DLGAP4: variants seen among roughly 807,000 people sequenced by gnomAD.
The protein encoded by DLGAP4 is disks large-associated protein 4.
In DLGAP4, 18 loss-of-function variants were observed where a neutral mutation model predicts 86.9. The ratio of observed to expected loss-of-function variants is 0.21; its 90% CI spans 0.14 to 0.31. The LOEUF is 0.31. Ranked by LOEUF, DLGAP4 falls within the 10% of genes least tolerant of loss-of-function variation. DLGAP4 has a pLI of 1.00. For missense variants in DLGAP4, 1,085 were observed against 1,362.6 expected, an observed-to-expected ratio of 0.80 and a Z score of 3.21; for synonymous variants, 548 against 574.3, an observed-to-expected ratio of 0.95 and a Z score of 0.65.
At chr20:36,354,269 C>T (rs1452496189) in intron 1 of DLGAP4, among the ~76,000 whole-genome samples, 1 of 152,164 alleles carries the variant, frequency 6.6e-6, no homozygotes, top group African/African-American at 2.4e-5. Context: ...CTGCCGTGAG[C>T]TGTTATCACC....
At chr20:36,461,150 T>C (rs1416857795) in intron 7 of DLGAP4, among the ~76,000 whole-genome samples, 2 of 152,066 alleles carry the variant, frequency 1.3e-5, no homozygotes, top group African/African-American at 4.8e-5. Flanking sequence ...AGAGCATGCG[T>C]CGCGTTCCAG....
At chr20:36,414,134 A>G (rs576194461) in intron 2 of DLGAP4, among the ~76,000 whole-genome samples, 1 of 152,344 alleles carries the variant, frequency 6.6e-6, no homozygotes, top group East Asian at 1.9e-4. Flanking sequence ...AACTGAGATG[A>G]AAAAGGTGAC....
At position 36,308,313 on chromosome 20, in the gene DLGAP4, A is replaced by G. The variant is rs1017125369; in HGVS notation, c.-304+1801A>G. Among the ~76,000 whole-genome samples, 1 of 152,160 alleles carries G rather than the reference A, an allele frequency of 6.6e-6. No homozygotes were observed. Among genetic ancestry groups the G allele is most frequent in the Non-Finnish European group, 1.5e-5 (1 of 68,024 alleles). The stretch of plus-strand genomic sequence containing the variant: ...GGCGCTGGGGAGTGCAATGGCTGAC[A>G]GGGTCCCCACCTCCAGGAGCCTCTT... On this transcript the variant is annotated intron_variant, in intron 1 of 12. Transcript: ENST00000339266. This position sits in a 1 kb window ranked among gnomAD's most constrained non-coding sequence, Gnocchi z 4.5.
chr20:36,497,260 G>A, intron 8 of DLGAP4, 194 bp downstream of exon 8: 8 of 985,424 alleles, frequency 8.1e-6, no homozygotes, highest in Non-Finnish European at 7.2e-6. Flanking sequence ...CACACGTGCT[G>A]CTGGTCAGCA....
chr20:36,517,402 G>A (rs2037111663), intron 10 of DLGAP4, among the ~76,000 whole-genome samples: 1 of 152,024 alleles, frequency 6.6e-6, no homozygotes. Flanking sequence ...GAGTAGCTTG[G>A]ACTACAGGCA....
At chr20:36,368,602 G>A (rs1350560721) in intron 2 of DLGAP4, among the ~76,000 whole-genome samples, 2 of 152,170 alleles carry the variant, frequency 1.3e-5, no homozygotes, top group East Asian at 1.9e-4. Flanking sequence ...GCAAATAGCC[G>A]TTGCTTTTGG....
chr20:36,503,218 C>G (rs1427971788), intron 10 of DLGAP4, among the ~76,000 whole-genome samples: 1 of 152,012 alleles, frequency 6.6e-6, no homozygotes, highest in South Asian at 2.1e-4. Context: ...CCTGTGATGG[C>G]TTTACTGAGA....
In DLGAP4 at chr20:36,461,748, T is replaced by TCCGTCCGTCCGC. The variant is rs1474275856; in HGVS notation, c.1648+14814_1648+14815insTCCGTCCGCCCG. ...CCCCGTCTGTCCGTCCGTCCGTCCG[T>TCCGTCCGTCCGC]CCGCCCGCCCGCCCGCCCGCCCGCG... On this transcript the variant is annotated intron_variant, in intron 7 of 12. Transcript: ENST00000339266. The TCCGTCCGTCCGC allele has an allele frequency of 1.2e-4, 101 of 853,526 alleles. No homozygotes were observed. In the Admixed American group the frequency reaches 6.1e-3, roughly 51 times the overall value. The allele number at this position is 853,526 out of a possible 1,614,324, so 52.9% of individuals were successfully genotyped here.
chr20:36,355,298 CTTT>C (rs530582187), intron 1 of DLGAP4, among the ~76,000 whole-genome samples: 3 of 135,078 alleles, frequency 2.2e-5, no homozygotes, highest in Non-Finnish European at 3.1e-5. Context: ...TTCTTTCTTT[CTTT>C]TTTTTTTTTT....
chr20:36,441,044 C>T (rs1371233558), intron 5 of DLGAP4, among the ~76,000 whole-genome samples: 1 of 152,238 alleles, frequency 6.6e-6, no homozygotes, highest in East Asian at 1.9e-4. Context: ...CTCATCCAGA[C>T]TCCACCAAGT....
intron 1 of DLGAP4, among the ~76,000 whole-genome samples, chr20:36,311,322 A>C (rs917052199): frequency 1.3e-5 from 2 of 152,044 alleles, no homozygotes; most frequent in African/African-American, 4.8e-5. Context: ...TGCAGATCAC[A>C]CATTATTTCC....
chr20:36,337,032 G>A (rs2065329576), intron 1 of DLGAP4, among the ~76,000 whole-genome samples: 1 of 152,156 alleles, frequency 6.6e-6, no homozygotes, highest in Non-Finnish European at 1.5e-5. Context: ...GAGGGAGCTG[G>A]GGGAGTCGGG....
At chr20:36,443,162 C>T (rs188893471) in intron 6 of DLGAP4, among the ~76,000 whole-genome samples, 12 of 152,280 alleles carry the variant, frequency 7.9e-5, no homozygotes, top group Admixed American at 5.9e-4. Flanking sequence ...CAGGTCCCAG[C>T]CCCCAGATCC....
intron 2 of DLGAP4, among the ~76,000 whole-genome samples, chr20:36,400,383 C>T (rs994266389): frequency 2.0e-5 from 3 of 152,326 alleles, no homozygotes; most frequent in South Asian, 2.1e-4. Flanking sequence ...TCCTTCATTA[C>T]GCCTTCTTGA....
intron 2 of DLGAP4, among the ~76,000 whole-genome samples, chr20:36,375,766 G>A (rs1021042057): frequency 6.6e-6 from 1 of 152,190 alleles, no homozygotes; most frequent in Non-Finnish European, 1.5e-5. Context: ...TAGGCAGGAG[G>A]GAGTGAGGGA....
chr20:36,345,138 G>A (rs2029896124), intron 1 of DLGAP4, among the ~76,000 whole-genome samples: 1 of 152,222 alleles, frequency 6.6e-6, no homozygotes, highest in Non-Finnish European at 1.5e-5. Context: ...AGGAAGGCTG[G>A]ATTCTTGACA....
At chr20:36,411,572 T>C (rs1223664000) in intron 2 of DLGAP4, among the ~76,000 whole-genome samples, 1 of 152,182 alleles carries the variant, frequency 6.6e-6, no homozygotes, top group African/African-American at 2.4e-5. Context: ...CACCCATCAT[T>C]TCCCACGTGC....
intron 7 of DLGAP4, among the ~76,000 whole-genome samples, chr20:36,457,304 C>T (rs1025995510): frequency 5.9e-5 from 9 of 151,778 alleles, no homozygotes; most frequent in Non-Finnish European, 1.3e-4. Flanking sequence ...CTGCAACCTC[C>T]GCTTCCCGGG....
chr20:36,374,746 C>CTGCT (rs2147430892), intron 2 of DLGAP4, among the ~76,000 whole-genome samples: 1 of 152,336 alleles, frequency 6.6e-6, no homozygotes, highest in South Asian at 2.1e-4. Context: ...TGCCCAGCCA[C>CTGCT]TGCTTGCATA....
Sources: allele counts gnomAD v4.1 joint callset (sites outside exome capture counted in the v4.1 genomes callset), GRCh38; gene constraint gnomAD v4.1.1; non-coding constraint Gnocchi (gnomAD v3.1); transcripts MANE v1.5; gene names NCBI Gene and HGNC (gene_info 2026-07-23, HGNC 2026-07-21).